The following SIPA1L1 variants were observed in gnomAD, a reference collection of about 807,000 sequenced individuals.
SIPA1L1 encodes the protein signal induced proliferation associated 1 like 1.
A neutral mutation model predicts 162.7 loss-of-function variants in SIPA1L1; 26 were observed. The ratio of observed to expected loss-of-function variants is 0.16; its 90% CI spans 0.12 to 0.22. The LOEUF (loss-of-function observed/expected upper bound fraction) is 0.22. Among genes scored for constraint, SIPA1L1 ranks in the 10% least tolerant of loss-of-function variants. SIPA1L1 has a pLI of 1.00. For missense variants in SIPA1L1, 1,874 were observed against 2,241.0 expected, an observed-to-expected ratio of 0.84 and a Z score of 3.31; for synonymous variants, 829 against 837.4, an observed-to-expected ratio of 0.99 and a Z score of 0.17.
At chr14:71,692,173 AAAT>A (rs1439050336) in intron 13 of SIPA1L1, among the ~76,000 whole-genome samples, 3 of 152,246 alleles carry the variant, frequency 2.0e-5, no homozygotes, top group African/African-American at 7.2e-5. Flanking sequence ...ATCTTGGAGA[AAAT>A]AAACCAATTT....
intron 6 of SIPA1L1, among the ~76,000 whole-genome samples, chr14:71,623,767 C>T (rs1253459719): frequency 6.6e-6 from 1 of 152,204 alleles, no homozygotes; most frequent in Non-Finnish European, 1.5e-5. Flanking sequence ...TTACTGATCT[C>T]TTTAAGGAAA....
At chr14:71,353,124 T>G (rs1297379771) in intron 2 of SIPA1L1, among the ~76,000 whole-genome samples, 1 of 152,244 alleles carries the variant, frequency 6.6e-6, no homozygotes, top group Non-Finnish European at 1.5e-5. Context: ...AAATACCACA[T>G]TCATTATTGA....
intron 4 of SIPA1L1, among the ~76,000 whole-genome samples, chr14:71,531,114 A>G: frequency 6.6e-6 from 1 of 152,030 alleles, no homozygotes; most frequent in Non-Finnish European, 1.5e-5. Flanking sequence ...ATCTACTTCT[A>G]CACTCCTGTG....
chr14:71,663,363 A>G (rs2043710523), intron 10 of SIPA1L1, among the ~76,000 whole-genome samples: 1 of 152,224 alleles, frequency 6.6e-6, no homozygotes, highest in Non-Finnish European at 1.5e-5. Context: ...CATTGGTGAT[A>G]CTTGATGTAT....
intron 5 of SIPA1L1, among the ~76,000 whole-genome samples, chr14:71,597,135 A>G (rs994649428): frequency 6.6e-6 from 1 of 151,572 alleles, no homozygotes; most frequent in Non-Finnish European, 1.5e-5. Flanking sequence ...ACGCCTGGCT[A>G]ATTTTTTTAG....
intron 4 of SIPA1L1, among the ~76,000 whole-genome samples, chr14:71,565,418 C>G (rs2030259062): frequency 6.6e-6 from 1 of 152,130 alleles, no homozygotes; most frequent in African/African-American, 2.4e-5. Flanking sequence ...GGTAGGCCTG[C>G]CTAGAGATTT....
chr14:71,717,768 C>T (rs2083383454), intron 17 of SIPA1L1, among the ~76,000 whole-genome samples: 1 of 152,188 alleles, frequency 6.6e-6, no homozygotes, highest in Non-Finnish European at 1.5e-5. Flanking sequence ...GCAAGGAGCC[C>T]ACCCACAGCT....
chr14:71,584,913 A>G (rs1345282121), intron 4 of SIPA1L1, among the ~76,000 whole-genome samples: 1 of 152,186 alleles, frequency 6.6e-6, no homozygotes, highest in East Asian at 1.9e-4. Context: ...GCTGATATTT[A>G]AGAGAGTTGC....
intron 7 of SIPA1L1, among the ~76,000 whole-genome samples, chr14:71,637,637 T>C (rs556106958): frequency 5.9e-5 from 9 of 151,748 alleles, no homozygotes; most frequent in African/African-American, 2.2e-4. Flanking sequence ...ATCAGGAGGA[T>C]CAATTAAGTC....
chr14:71,481,404 G>A (rs1321969958), intron 2 of SIPA1L1, among the ~76,000 whole-genome samples: 2 of 152,156 alleles, frequency 1.3e-5, no homozygotes, highest in Non-Finnish European at 2.9e-5. Flanking sequence ...GCTTCAGCCT[G>A]GGAGGCAGAG....
chr14:71,652,812 A>T (rs1174834282), intron 8 of SIPA1L1, among the ~76,000 whole-genome samples: 1 of 152,128 alleles, frequency 6.6e-6, no homozygotes, highest in Non-Finnish European at 1.5e-5. Flanking sequence ...GCATTTGATA[A>T]TCTTTTTAAA....
In SIPA1L1 at chr14:71,408,473, G is replaced by A. The variant is rs550680241; in HGVS notation, c.-465+87292G>A. On this transcript the variant is annotated intron_variant, in intron 2 of 23. Coordinates refer to ENST00000381232, the MANE Select transcript of SIPA1L1 (RefSeq NM_001386936.1). The stretch of plus-strand genomic sequence containing the variant: ...CAGAATAAAAGAAAACAAAAACAAC[G>A]AGTAATAAGATTTTCCCAGGGCCTT... Among the ~76,000 whole-genome samples the A allele has an allele frequency of 2.8e-4, 43 of 152,230 alleles. No individual in the cohort carries two copies. In the South Asian group the frequency reaches 8.9e-3, roughly 32 times the overall value.
chr14:71,553,150 T>TA (rs2056029389), intron 4 of SIPA1L1, among the ~76,000 whole-genome samples: 1 of 152,240 alleles, frequency 6.6e-6, no homozygotes, highest in African/African-American at 2.4e-5. Flanking sequence ...TAATAATTTT[T>TA]AAAAAATCAG....
chr14:71,624,260 G>C (rs754787019), intron 7 of SIPA1L1, 24 bp downstream of exon 7: 52 of 1,583,646 alleles, frequency 3.3e-5, no homozygotes, highest in Non-Finnish European at 3.7e-5. Flanking sequence ...TCTGAGGAGA[G>C]CATTCTTGCT....
At chr14:71,646,623 A>G (rs1040992791) in intron 7 of SIPA1L1, among the ~76,000 whole-genome samples, 3 of 152,242 alleles carry the variant, frequency 2.0e-5, no homozygotes, top group African/African-American at 7.2e-5. Context: ...CATCTCAAAT[A>G]TAGCCCTTGT....
At chr14:71,388,543 A>G (rs531285446) in intron 2 of SIPA1L1, among the ~76,000 whole-genome samples, 3 of 152,338 alleles carry the variant, frequency 2.0e-5, no homozygotes, top group African/African-American at 7.2e-5. Flanking sequence ...TTCCGTGTCA[A>G]ATTCCAGACT....
rs34173331 is a variant in SIPA1L1 at position 71,326,715 on chromosome 14, C to CTTTT, written c.-465+5551_-465+5554dup. ...TTATCTAGATAGGAAATGTAATTTG[C>CTTTT]TTTTTTTTTTTTTTTTTTTTGAGAT... On this transcript the variant is annotated intron_variant, in intron 2 of 23. Coordinates refer to ENST00000381232, the MANE Select transcript of SIPA1L1 (RefSeq NM_001386936.1). Among the ~76,000 whole-genome samples the CTTTT allele has an allele frequency of 2.0e-4, 21 of 107,436 alleles. 1 individual carries two copies. Among genetic ancestry groups the CTTTT allele is most frequent in the African/African-American group, 3.2e-4 (9 of 28,424 alleles). The allele number at this position is 107,436 out of a possible 152,430, so 70.5% of individuals were successfully genotyped here. A position where few individuals can be genotyped will look rare whatever the true frequency, so the allele number is the denominator to read the frequency against.
intron 19 of SIPA1L1, among the ~76,000 whole-genome samples, chr14:71,727,998 G>A (rs2084399555): frequency 6.6e-6 from 1 of 152,164 alleles, no homozygotes; most frequent in Admixed American, 6.5e-5. Flanking sequence ...AGCTGTTCAT[G>A]GCCTTGAAGC....
intron 2 of SIPA1L1, among the ~76,000 whole-genome samples, chr14:71,328,925 T>C (rs181920398): frequency 6.6e-6 from 1 of 152,318 alleles, no homozygotes. Flanking sequence ...CATTAAACAT[T>C]GGCCCCCATT....
Sources: allele counts gnomAD v4.1 joint callset (sites outside exome capture counted in the v4.1 genomes callset), GRCh38; gene constraint gnomAD v4.1.1; transcripts MANE v1.5; gene names NCBI Gene and HGNC (gene_info 2026-07-23, HGNC 2026-07-21).